Variants in KAT6A observed in about 807,000 individuals in gnomAD.
KAT6A encodes lysine acetyltransferase 6A, also known as histone acetyltransferase KAT6A.
A neutral mutation model predicts 198.4 loss-of-function variants in KAT6A; 9 were observed. The observed-to-expected ratio is 0.05, with a 90% CI of 0.03 to 0.08. KAT6A has a LOEUF of 0.08. KAT6A is among the 10% of genes least tolerant of loss of function. KAT6A has a pLI of 1.00. For missense variants in KAT6A, 2,077 were observed against 2,509.9 expected, an observed-to-expected ratio of 0.83 and a Z score of 3.69; for synonymous variants, 890 against 883.0, an observed-to-expected ratio of 1.01 and a Z score of -0.14.
rs1280678479 is a variant in KAT6A at position 42,042,459 on chromosome 8, A to G, written c.600+5919T>C. ...TCCATCTCTCAAAAAAAAAAAAAAA[A>G]TCCCCATTTTAATCAGTATCTCTAC... On this transcript the variant is annotated intron_variant, in intron 2 of 16. Transcript: ENST00000265713. Among the ~76,000 whole-genome samples the G allele has an allele frequency of 5.3e-5, 8 of 152,046 alleles. No individual in the cohort carries two copies. In the East Asian group the frequency reaches 1.5e-3, roughly 29 times the overall value.
chr8:41,971,637 A>C (rs539794275), intron 8 of KAT6A, among the ~76,000 whole-genome samples: 1 of 151,688 alleles, frequency 6.6e-6, no homozygotes, highest in South Asian at 2.1e-4. Flanking sequence ...ATTCTAAAGA[A>C]GACTGTAAGA....
chr8:41,929,526 G>A lies in KAT6A; in HGVS notation c.*2679C>T, dbSNP rs143230746. ...TATTTTTTATGTTAAAATGTACAGA[G>A]TTCTTTTGAAAGTACTTGCTAGAAA... On this transcript the variant is annotated 3_prime_UTR_variant, in exon 17 of 17. Coordinates refer to ENST00000265713, the MANE Select transcript of KAT6A (RefSeq NM_006766.5). The A allele has an allele frequency of 8.7e-5, 16 of 183,920 alleles. No individual in the cohort carries two copies. Among genetic ancestry groups the A allele is most frequent in the African/African-American group, 3.5e-4 (15 of 42,622 alleles). The allele number at this position is 183,920 out of a possible 1,614,324, so 11.4% of individuals were successfully genotyped here.
chr8:41,943,482 AGAAGAT>A, intron 13 of KAT6A, among the ~76,000 whole-genome samples: 1 of 152,314 alleles, frequency 6.6e-6, no homozygotes, highest in Middle Eastern at 3.4e-3. Flanking sequence ...TCCCAATACT[AGAAGAT>A]GAAAGATTCA....
At chr8:42,009,915 C>CAAAAAAAAAAAAAAAA (rs1216387598) in intron 2 of KAT6A, among the ~76,000 whole-genome samples, 1 of 110,294 alleles carries the variant, frequency 9.1e-6, no homozygotes, top group Non-Finnish European at 1.8e-5. Context: ...AAAAAAAAAA[C>CAAAAAAAAAAAAAAAA]AAAAAAAAAC....
At chr8:42,015,401 T>C (rs567216304) in intron 2 of KAT6A, among the ~76,000 whole-genome samples, 172 of 152,342 alleles carry the variant, frequency 1.1e-3, no homozygotes, top group Admixed American at 1.5e-3. Flanking sequence ...GCAGATCCTA[T>C]ACAAAGTCTT....
intron 16 of KAT6A, among the ~76,000 whole-genome samples, chr8:41,936,717 G>A (rs1480017777): frequency 6.6e-6 from 1 of 152,116 alleles, no homozygotes; most frequent in African/African-American, 2.4e-5. Context: ...CTACTAGTTG[G>A]GTAAGACACA....
At chr8:42,016,281 T>C (rs1393295902) in intron 2 of KAT6A, among the ~76,000 whole-genome samples, 1 of 152,240 alleles carries the variant, frequency 6.6e-6, no homozygotes, top group Non-Finnish European at 1.5e-5. Context: ...AGGAACTGCG[T>C]GCCAAGGAAG....
At chr8:41,964,716 T>C (rs926919462) in intron 8 of KAT6A, among the ~76,000 whole-genome samples, 6 of 152,160 alleles carry the variant, frequency 3.9e-5, no homozygotes, top group African/African-American at 1.4e-4. Context: ...TATACTATGT[T>C]TTTTCCTATT....
chr8:42,021,738 C>T (rs56985843), intron 2 of KAT6A, among the ~76,000 whole-genome samples: 1,806 of 152,260 alleles, frequency 0.012, 33 homozygotes, highest in African/African-American at 0.042. Context: ...CAAGACCAGC[C>T]TGGCCAACGT....
chr8:41,995,240 C>A (rs921026320), intron 2 of KAT6A, among the ~76,000 whole-genome samples: 2 of 152,132 alleles, frequency 1.3e-5, no homozygotes, highest in Non-Finnish European at 2.9e-5. Flanking sequence ...GTAATAATCA[C>A]AGCAGTACAG....
At position 41,933,224 on chromosome 8, in the gene KAT6A, G is replaced by C. The variant is rs1821654378; in HGVS notation, c.4996C>G (p.Pro1666Ala). Residue 1666 changes from proline (P) to alanine (A), a missense_variant, in exon 17 of 17, where the codon CCA becomes GCA. Physicochemically the swap from Pro to Ala is conservative, Grantham distance 27 (BLOSUM62 -1). Coordinates refer to ENST00000265713, the MANE Select transcript of KAT6A (RefSeq NM_006766.5). This position sits in a 1 kb window ranked among gnomAD's most constrained non-coding sequence, Gnocchi z 6.2. ...PQQPQPPPPQPQPAPQPPPPQ... is the reference protein window; with the variant it reads ...PQQPQPPPPQAQPAPQPPPPQ... ...GGTGGAGGCTGTGGTGCTGGTTGTG[G>C]TTGTGGCGGCGGCGGCTGTGGCTGC... 6.4e-7 allele frequency: 1 copy of C among 1,568,152 alleles called. No homozygotes were observed. Among genetic ancestry groups the C allele is most frequent in the African/African-American group, 1.3e-5 (1 of 74,116 alleles).
At chr8:42,003,708 T>C (rs912760244) in intron 2 of KAT6A, among the ~76,000 whole-genome samples, 2 of 152,166 alleles carry the variant, frequency 1.3e-5, no homozygotes, top group Non-Finnish European at 2.9e-5. Flanking sequence ...GGTGAAGCCC[T>C]AATTCCTCAA....
chr8:42,037,404 T>A (rs919843980), intron 2 of KAT6A, among the ~76,000 whole-genome samples: 1 of 152,086 alleles, frequency 6.6e-6, no homozygotes, highest in Non-Finnish European at 1.5e-5. Flanking sequence ...CACACAAAAA[T>A]AGTAATAATG....
chr8:41,941,492 T>G (rs1822134102), intron 14 of KAT6A, 48 bp from the exon 15 acceptor site: 50 of 1,531,260 alleles, frequency 3.3e-5, no homozygotes, highest in Non-Finnish European at 4.2e-5. Context: ...CAGTCTTGTT[T>G]GCTTACATTT....
At chr8:41,968,839 G>C (rs2150880783) in intron 8 of KAT6A, among the ~76,000 whole-genome samples, 1 of 152,074 alleles carries the variant, frequency 6.6e-6, no homozygotes, top group South Asian at 2.1e-4. Context: ...AGTGTATGTT[G>C]TATAGCTAAT....
intron 1 of KAT6A, among the ~76,000 whole-genome samples, chr8:42,050,198 A>G (rs1802535049): frequency 6.6e-6 from 1 of 152,210 alleles, no homozygotes; most frequent in Admixed American, 6.5e-5. Flanking sequence ...CCAAATAATA[A>G]AGATATAAAT....
intron 3 of KAT6A, among the ~76,000 whole-genome samples, chr8:41,982,267 A>G (rs1213873772): frequency 1.3e-5 from 2 of 152,140 alleles, no homozygotes; most frequent in Admixed American, 6.5e-5. Flanking sequence ...ATATGTATAT[A>G]TATGAATACA....
At position 41,930,859 on chromosome 8, in the gene KAT6A, T is replaced by C. The variant is rs893860359; in HGVS notation, c.*1346A>G. ...CACATGAACTTGCGTTATAACATTC[T>C]GCTGTCCAGATCTGCCCTACTGTGC... On this transcript the variant is annotated 3_prime_UTR_variant, in exon 17 of 17. Coordinates refer to ENST00000265713, the MANE Select transcript of KAT6A (RefSeq NM_006766.5). The C allele has an allele frequency of 4.7e-6, 1 of 211,700 alleles. No homozygotes were observed. Among genetic ancestry groups the C allele is most frequent in the Non-Finnish European group, 9.6e-6 (1 of 104,522 alleles). 13.1% of individuals were successfully genotyped at this position (211,700 alleles called of 1,614,324 possible). A position where few individuals can be genotyped will look rare whatever the true frequency, so the allele number is the denominator to read the frequency against.
chr8:42,044,020 A>T (rs1827790261), intron 2 of KAT6A, among the ~76,000 whole-genome samples: 1 of 151,878 alleles, frequency 6.6e-6, no homozygotes, highest in African/African-American at 2.4e-5. Flanking sequence ...GTAAATAAAC[A>T]CTTTAATAAA....
Sources: gnomAD v4.1 joint callset for allele counts (sites outside exome capture counted in the v4.1 genomes callset) on GRCh38, gnomAD v4.1.1 for gene constraint, Gnocchi (gnomAD v3.1) non-coding constraint, MANE v1.5 for transcripts, NCBI Gene and HGNC (gene_info 2026-07-23, HGNC 2026-07-21) for gene names.